The following NEO1 variants were observed in gnomAD, a reference collection of about 807,000 sequenced individuals.
NEO1 encodes neogenin 1, also known as neogenin.
NEO1 carries 63 observed loss-of-function variants against 159.7 expected under a neutral mutation model. That is an observed-to-expected ratio of 0.39 (90% CI 0.32 to 0.49). The LOEUF (loss-of-function observed/expected upper bound fraction) is 0.49, where lower values mean the gene tolerates loss of function less well. NEO1 is among the 20% of genes least tolerant of loss of function. NEO1 has a pLI of 0.85. For synonymous variants in NEO1, 633 were observed against 662.0 expected, an observed-to-expected ratio of 0.96 and a Z score of 0.67; for missense variants, 1,615 against 1,831.0, an observed-to-expected ratio of 0.88 and a Z score of 2.15.
intron 8 of NEO1, among the ~76,000 whole-genome samples, chr15:73,241,415 C>T (rs2039479542): frequency 1.3e-5 from 2 of 152,160 alleles, no homozygotes; most frequent in Admixed American, 6.5e-5. Context: ...TGAAATGTTA[C>T]ATAGGTAACT....
intron 1 of NEO1, among the ~76,000 whole-genome samples, chr15:73,073,031 A>T (rs771636773): frequency 1.3e-4 from 20 of 152,122 alleles, no homozygotes; most frequent in Non-Finnish European, 2.6e-4. Context: ...TATGAATTTG[A>T]TACACCTTTG....
intron 7 of NEO1, among the ~76,000 whole-genome samples, chr15:73,186,486 G>T (rs192637847): frequency 2.6e-5 from 4 of 152,152 alleles, no homozygotes; most frequent in Admixed American, 2.6e-4. Context: ...AAACAAAGTG[G>T]GCTAGAGTGT....
At chr15:73,281,249 C>G (rs1388375124) in intron 22 of NEO1, among the ~76,000 whole-genome samples, 3 of 27,806 alleles carry the variant, frequency 1.1e-4, no homozygotes, top group African/African-American at 1.6e-4. Flanking sequence ...GTTAGGAGAA[C>G]CACTTCAGGA....
chr15:73,081,640 A>G (rs915037456), intron 1 of NEO1, among the ~76,000 whole-genome samples: 1 of 151,912 alleles, frequency 6.6e-6, no homozygotes, highest in Non-Finnish European at 1.5e-5. Flanking sequence ...CAGTAGCACC[A>G]TCACAGCTCA....
At chr15:73,108,168 A>G (rs1234167306) in intron 1 of NEO1, among the ~76,000 whole-genome samples, 1 of 152,250 alleles carries the variant, frequency 6.6e-6, no homozygotes, top group Admixed American at 6.5e-5. Flanking sequence ...ATAGCTAAAT[A>G]TGAGCTAAAT....
chr15:73,101,047 A>C (rs1250544961), intron 1 of NEO1, among the ~76,000 whole-genome samples: 2 of 152,222 alleles, frequency 1.3e-5, no homozygotes, highest in African/African-American at 4.8e-5. Flanking sequence ...GCATTCCTTC[A>C]ATCCAAAATT....
intron 23 of NEO1, among the ~76,000 whole-genome samples, chr15:73,286,808 A>G (rs2151115006): frequency 1.3e-5 from 2 of 152,138 alleles, no homozygotes; most frequent in Middle Eastern, 6.8e-3. Context: ...TTTATTTACC[A>G]AGACCTGTCA....
chr15:73,221,033 TG>T (rs1338165673), intron 7 of NEO1, among the ~76,000 whole-genome samples: 3 of 152,236 alleles, frequency 2.0e-5, no homozygotes, highest in Admixed American at 1.3e-4. Context: ...TTTTCTGCTC[TG>T]TTTTTTCCCC....
chr15:73,247,010 G>T (rs544525600), intron 9 of NEO1, among the ~76,000 whole-genome samples: 1 of 152,302 alleles, frequency 6.6e-6, no homozygotes, highest in East Asian at 1.9e-4. Context: ...AGACAACAGT[G>T]TGATGTGTTA....
At chr15:73,235,892 A>G (rs898671678) in intron 7 of NEO1, among the ~76,000 whole-genome samples, 13 of 152,222 alleles carry the variant, frequency 8.5e-5, no homozygotes, top group Admixed American at 3.9e-4. Context: ...GAAAATAGTG[A>G]AGTCTTGTCA....
rs77145602 is a variant in NEO1, at chr15:73,160,970, C to T, written c.1016-15433C>T. Among the ~76,000 whole-genome samples the T allele has an allele frequency of 8.7e-3, 1,317 of 152,204 alleles. 22 individuals are homozygous for T. The highest frequency in any genetic ancestry group is 0.03 in the African/African-American group (1,245 of 41,518). On this transcript the variant is annotated intron_variant, in intron 5 of 28. Coordinates refer to ENST00000261908, the MANE Select transcript of NEO1 (RefSeq NM_002499.4). Reference sequence around the variant, plus strand: ...TTTGATTCCACTGTTAGGTAGCCCTCATCTGGAGGCTATCAAGTACCCCAT... The same window carrying T: ...TTTGATTCCACTGTTAGGTAGCCCTTATCTGGAGGCTATCAAGTACCCCAT...
chr15:73,164,507 G>T (rs142080975), intron 5 of NEO1, among the ~76,000 whole-genome samples: 2 of 152,076 alleles, frequency 1.3e-5, no homozygotes, highest in African/African-American at 4.8e-5. Flanking sequence ...AAGCCACCAC[G>T]CCCAGCCTCT....
chr15:73,172,972 T>C (rs1218677690), intron 5 of NEO1, among the ~76,000 whole-genome samples: 3 of 152,242 alleles, frequency 2.0e-5, no homozygotes, highest in African/African-American at 4.8e-5. Context: ...TTTGGTGATA[T>C]GCAACTTTGG....
intron 7 of NEO1, among the ~76,000 whole-genome samples, chr15:73,234,097 G>T (rs1394306241): frequency 6.6e-6 from 1 of 152,188 alleles, no homozygotes; most frequent in African/African-American, 2.4e-5. Flanking sequence ...TAGTTGGGAA[G>T]AATTAAGTTT....
chr15:73,301,517 G>A (rs2042613274), intron 28 of NEO1, 60 bp downstream of exon 28: 1 of 1,609,008 alleles, frequency 6.2e-7, no homozygotes, highest in African/African-American at 1.3e-5. Flanking sequence ...CAGGGCCTGA[G>A]ACTGCTGGTC....
chr15:73,153,341 T>A (rs1394004484), intron 5 of NEO1, among the ~76,000 whole-genome samples: 1 of 152,224 alleles, frequency 6.6e-6, no homozygotes, highest in African/African-American at 2.4e-5. Flanking sequence ...TAAAATTTAC[T>A]GTCACACATA....
At chr15:73,165,107 T>TG (rs1197383416) in intron 5 of NEO1, among the ~76,000 whole-genome samples, 1 of 151,284 alleles carries the variant, frequency 6.6e-6, no homozygotes, top group Non-Finnish European at 1.5e-5. Flanking sequence ...TTTTTTTTTT[T>TG]TTTTTTGTAG....
At chr15:73,130,100 A>G (rs2030888933) in intron 4 of NEO1, among the ~76,000 whole-genome samples, 1 of 152,084 alleles carries the variant, frequency 6.6e-6, no homozygotes, top group Non-Finnish European at 1.5e-5. Context: ...GGATCAAATG[A>G]GTAGCTGGGA....
At chr15:73,200,018 G>T (rs1339923965) in intron 7 of NEO1, among the ~76,000 whole-genome samples, 1 of 152,082 alleles carries the variant, frequency 6.6e-6, no homozygotes, top group African/African-American at 2.4e-5. Context: ...AATTTTGGAG[G>T]GAACACTGTC....
Sources: allele counts gnomAD v4.1 joint callset (sites outside exome capture counted in the v4.1 genomes callset), GRCh38; gene constraint gnomAD v4.1.1; transcripts MANE v1.5; gene names NCBI Gene and HGNC (gene_info 2026-07-23, HGNC 2026-07-21).